Variants in COL26A1 observed in about 807,000 individuals in gnomAD.
The protein encoded by COL26A1 is collagen type XXVI alpha 1 chain.
In COL26A1, 41 loss-of-function variants were observed where a neutral mutation model predicts 59.3. The ratio of observed to expected loss-of-function variants is 0.69; its 90% CI spans 0.54 to 0.90. The LOEUF (loss-of-function observed/expected upper bound fraction) is 0.90, where lower values mean the gene tolerates loss of function less well. COL26A1 is among the 40% of genes least tolerant of loss of function. The pLI is 0.00. For synonymous variants in COL26A1, 266 were observed against 256.0 expected, an observed-to-expected ratio of 1.04 and a Z score of -0.37; for missense variants, 612 against 602.3, an observed-to-expected ratio of 1.02 and a Z score of -0.17.
intron 3 of COL26A1, among the ~76,000 whole-genome samples, chr7:101,522,092 A>G (rs1859634): frequency 0.68 from 103,032 of 151,976 alleles, 37,434 homozygotes; most frequent in African/African-American, 0.92. Context: ...CATGCCTTTC[A>G]GTGAACATAT....
chr7:101,475,649 G>A (rs1794013627), intron 3 of COL26A1, among the ~76,000 whole-genome samples: 1 of 151,932 alleles, frequency 6.6e-6, no homozygotes, highest in Non-Finnish European at 1.5e-5. Flanking sequence ...GGCCTGGTGT[G>A]TTTCCGTGTT....
chr7:101,468,792 T>C (rs1793826361), intron 3 of COL26A1, among the ~76,000 whole-genome samples: 1 of 152,200 alleles, frequency 6.6e-6, no homozygotes. Context: ...TGGCCATCTG[T>C]AGGGGTGCAG....
intron 3 of COL26A1, among the ~76,000 whole-genome samples, chr7:101,448,636 G>A (rs1286593736): frequency 6.6e-6 from 1 of 152,066 alleles, no homozygotes; most frequent in Non-Finnish European, 1.5e-5. Context: ...GGGACTGTAG[G>A]TGTGCACCAC....
chr7:101,436,208 C>T (rs1792910574), intron 2 of COL26A1, among the ~76,000 whole-genome samples: 2 of 152,174 alleles, frequency 1.3e-5, no homozygotes, highest in Admixed American at 1.3e-4. Flanking sequence ...TCCATTCCGT[C>T]TGGCTCTCGG....
chr7:101,528,771 A>G (rs930810749), intron 3 of COL26A1, among the ~76,000 whole-genome samples: 8 of 151,536 alleles, frequency 5.3e-5, no homozygotes, highest in African/African-American at 1.9e-4. Flanking sequence ...CTGATCTCAA[A>G]CTCCCGGGCT....
chr7:101,466,801 T>TGTGG (rs1793769826), intron 3 of COL26A1, among the ~76,000 whole-genome samples: 1 of 96,786 alleles, frequency 1.0e-5, no homozygotes, highest in South Asian at 2.9e-4. Context: ...TTCTGGTGTG[T>TGTGG]GTGTGTGTGT....
chr7:101,413,920 AC>A (rs1276251869), intron 1 of COL26A1, among the ~76,000 whole-genome samples: 1 of 151,812 alleles, frequency 6.6e-6, no homozygotes, highest in Non-Finnish European at 1.5e-5. Flanking sequence ...AGCACTGTTC[AC>A]CCACTGCTGT....
At chr7:101,390,164 T>TTTG (rs1791694127) in intron 1 of COL26A1, among the ~76,000 whole-genome samples, 1 of 144,154 alleles carries the variant, frequency 6.9e-6, no homozygotes, top group African/African-American at 2.6e-5. Context: ...TTTTTTTTTT[T>TTTG]TTTTTTTTTT....
chr7:101,376,952 G>T (rs1584352235), intron 1 of COL26A1, among the ~76,000 whole-genome samples: 1 of 152,114 alleles, frequency 6.6e-6, no homozygotes, highest in African/African-American at 2.4e-5. Flanking sequence ...TCTGCCTCCT[G>T]GCTTCAAGTG....
intron 3 of COL26A1, among the ~76,000 whole-genome samples, chr7:101,470,057 C>T (rs78122418): frequency 6.6e-6 from 1 of 151,622 alleles, no homozygotes; most frequent in East Asian, 1.9e-4. Context: ...GAAGAGCTCT[C>T]TCTGCTGCAG....
intron 5 of COL26A1, among the ~76,000 whole-genome samples, chr7:101,542,346 A>T (rs994276520): frequency 6.6e-6 from 1 of 151,938 alleles, no homozygotes; most frequent in East Asian, 1.9e-4. Flanking sequence ...CAAGTGATCC[A>T]CCCGCCTCGG....
At chr7:101,371,520 G>T (rs1012752253) in intron 1 of COL26A1, among the ~76,000 whole-genome samples, 7 of 151,734 alleles carry the variant, frequency 4.6e-5, no homozygotes, top group African/African-American at 1.7e-4. Context: ...AGCTGGGTGT[G>T]GTGGTGCACA....
At position 101,539,889 on chromosome 7, in the gene COL26A1, C is replaced by G; in HGVS notation, c.448-4C>G. 1 of 1,610,104 alleles carries G rather than the reference C, an allele frequency of 6.2e-7. No homozygotes were observed. Among genetic ancestry groups the G allele is most frequent in the Non-Finnish European group, 8.5e-7 (1 of 1,178,250 alleles). ...GACCTGACTCTCTATCTCCTTTGGC[C>G]CAGGTCCTCCTGCTAGAAGCAGCAG... On this transcript the variant is annotated splice_polypyrimidine_tract_variant and splice_region_variant and intron_variant, in intron 4 of 12. Transcript: ENST00000313669.
intron 9 of COL26A1, among the ~76,000 whole-genome samples, chr7:101,550,155 C>T (rs1795829948): frequency 6.6e-6 from 1 of 152,138 alleles, no homozygotes; most frequent in Non-Finnish European, 1.5e-5. Context: ...ATCTTATTTA[C>T]ATCTTTAAAA....
intron 2 of COL26A1, among the ~76,000 whole-genome samples, chr7:101,427,144 G>A (rs1181751086): frequency 2.0e-5 from 3 of 152,192 alleles, no homozygotes; most frequent in African/African-American, 4.8e-5. Flanking sequence ...CTTTGGCCTC[G>A]AATGCCTGGA....
intron 1 of COL26A1, among the ~76,000 whole-genome samples, chr7:101,397,212 C>T (rs376977364): frequency 3.9e-5 from 6 of 152,062 alleles, no homozygotes; most frequent in African/African-American, 1.4e-4. Context: ...TTCTGTGATT[C>T]TTTGTGTTGT....
chr7:101,468,301 CA>C (rs35048256), intron 3 of COL26A1, among the ~76,000 whole-genome samples: 13,139 of 136,528 alleles, frequency 0.096, 677 homozygotes, highest in Middle Eastern at 0.15. Flanking sequence ...GACTCAGTCT[CA>C]AAAAAAAAAA....
intron 5 of COL26A1, among the ~76,000 whole-genome samples, chr7:101,543,138 A>G (rs1310097030): frequency 1.3e-5 from 2 of 151,540 alleles, no homozygotes; most frequent in Non-Finnish European, 2.9e-5. Context: ...AAAGGGCCCT[A>G]AGACTCAGTG....
At chr7:101,394,585 C>CTTTTTTTTTTTTTTTT (rs59966789) in intron 1 of COL26A1, among the ~76,000 whole-genome samples, 6 of 122,792 alleles carry the variant, frequency 4.9e-5, no homozygotes, top group Admixed American at 9.5e-5. Flanking sequence ...TTTTTCTTTT[C>CTTTTTTTTTTTTTTTT]TTTTTTTTTT....
Sources: allele counts gnomAD v4.1 joint callset (sites outside exome capture counted in the v4.1 genomes callset), GRCh38; gene constraint gnomAD v4.1.1; transcripts MANE v1.5; gene names NCBI Gene and HGNC (gene_info 2026-07-23, HGNC 2026-07-21).